The following EPHA3 variants were observed in gnomAD, a reference collection of about 807,000 sequenced individuals.
EPHA3 encodes the protein EPH receptor A3.
In EPHA3, 42 loss-of-function variants were observed where a neutral mutation model predicts 107.1. That is an observed-to-expected ratio of 0.39 (90% CI 0.31 to 0.51). EPHA3 has a LOEUF of 0.51. Among genes scored for constraint, EPHA3 ranks in the 20% least tolerant of loss-of-function variants. The pLI is 0.78. For synonymous variants in EPHA3, 461 were observed against 424.8 expected (o/e 1.09, Z -1.05); for missense variants, 1,183 against 1,211.2 (o/e 0.98, Z 0.35).
intron 3 of EPHA3, among the ~76,000 whole-genome samples, chr3:89,219,692 T>TTTTTTTGTTTG (rs1559606292): frequency 2.4e-4 from 2 of 8,424 alleles, no homozygotes; most frequent in Admixed American, 1.9e-3. Context: ...GGCAATGTTT[T>TTTTTTTGTTTG]TTTTTTTTTT....
At chr3:89,122,882 G>A (rs1222860803) in intron 1 of EPHA3, among the ~76,000 whole-genome samples, 1 of 152,128 alleles carries the variant, frequency 6.6e-6, no homozygotes, top group Non-Finnish European at 1.5e-5. Context: ...TATTTGAATA[G>A]GCAATTATTT....
intron 7 of EPHA3, among the ~76,000 whole-genome samples, chr3:89,402,833 A>G (rs545654859): frequency 4.6e-5 from 7 of 152,174 alleles, no homozygotes; most frequent in Admixed American, 2.0e-4. Flanking sequence ...ATGTGCCACA[A>G]TGCCCAGCTA....
chr3:89,247,881 A>G (rs758164977), intron 3 of EPHA3, among the ~76,000 whole-genome samples: 14 of 152,200 alleles, frequency 9.2e-5, no homozygotes, highest in Non-Finnish European at 1.9e-4. Context: ...GACTAAAAAA[A>G]GTAGAGACAG....
chr3:89,264,896 T>A (rs1431629221), intron 3 of EPHA3, among the ~76,000 whole-genome samples: 1 of 152,204 alleles, frequency 6.6e-6, no homozygotes, highest in Non-Finnish European at 1.5e-5. Context: ...AATGAAAATG[T>A]ACTCTTATGC....
chr3:89,402,088 T>C (rs1277403129), intron 7 of EPHA3, among the ~76,000 whole-genome samples: 1 of 152,180 alleles, frequency 6.6e-6, no homozygotes, highest in Non-Finnish European at 1.5e-5. Flanking sequence ...TATTACATGG[T>C]CTTAACACTT....
At chr3:89,272,711 C>A (rs1705703987) in intron 3 of EPHA3, among the ~76,000 whole-genome samples, 1 of 151,896 alleles carries the variant, frequency 6.6e-6, no homozygotes. Context: ...CCACATTTTA[C>A]TTACTCTTTT....
In EPHA3 at chr3:89,428,548, A is replaced by G. The variant is rs115760057; in HGVS notation, c.2075-558A>G. On this transcript the variant is annotated intron_variant, in intron 11 of 16. Transcript: ENST00000336596. ...TTTCATAATTTTTAAGTGTTAAACA[A>G]ATTTTGTAAATAATTATAACTATTA... 9.7e-3 allele frequency among the ~76,000 whole-genome samples: 1,479 copies of G among 152,166 alleles called. 27 individuals are homozygous for G. Among genetic ancestry groups the G allele is most frequent in the African/African-American group, 0.034 (1,415 of 41,544 alleles).
chr3:89,402,782 G>T (rs1019402774), intron 7 of EPHA3, among the ~76,000 whole-genome samples: 3 of 151,996 alleles, frequency 2.0e-5, no homozygotes, highest in Non-Finnish European at 4.4e-5. Context: ...TACAAAATCC[G>T]CCTCCTGGGT....
chr3:89,400,217 G>C (rs1484493425), intron 7 of EPHA3: 1 of 342,194 alleles, frequency 2.9e-6, no homozygotes, highest in East Asian at 1.0e-4. Context: ...TTTTTGAGAC[G>C]GAGTCTTGCT....
chr3:89,452,548 T>C (rs1405198262), intron 15 of EPHA3, among the ~76,000 whole-genome samples: 1 of 152,164 alleles, frequency 6.6e-6, no homozygotes, highest in African/African-American at 2.4e-5. Flanking sequence ...AGGGGTATTA[T>C]TATTTTTGCT....
chr3:89,148,131 C>T (rs1704608047), intron 2 of EPHA3, among the ~76,000 whole-genome samples: 1 of 151,904 alleles, frequency 6.6e-6, no homozygotes, highest in Admixed American at 6.6e-5. Flanking sequence ...GTCAGTAACA[C>T]ACACATGTGC....
At chr3:89,271,913 C>T (rs943732423) in intron 3 of EPHA3, among the ~76,000 whole-genome samples, 1 of 151,918 alleles carries the variant, frequency 6.6e-6, no homozygotes, top group Non-Finnish European at 1.5e-5. Context: ...CAACCCTTCC[C>T]CTTCCTCTTT....
At chr3:89,286,941 A>G (rs1380460186) in intron 3 of EPHA3, among the ~76,000 whole-genome samples, 2 of 152,096 alleles carry the variant, frequency 1.3e-5, no homozygotes, top group African/African-American at 4.8e-5. Flanking sequence ...TTCTACCTGA[A>G]AATACCTTAT....
chr3:89,132,246 A>T (rs1704221981), intron 2 of EPHA3, among the ~76,000 whole-genome samples: 1 of 152,182 alleles, frequency 6.6e-6, no homozygotes, highest in African/African-American at 2.4e-5. Context: ...TGGAACCTTG[A>T]TATCACTGAA....
At chr3:89,357,815 A>G (rs966725647) in intron 5 of EPHA3, among the ~76,000 whole-genome samples, 1 of 151,282 alleles carries the variant, frequency 6.6e-6, no homozygotes, top group African/African-American at 2.4e-5. Flanking sequence ...TTGATATAGT[A>G]AAAAACTTCA....
intron 15 of EPHA3, among the ~76,000 whole-genome samples, chr3:89,459,747 T>G (rs1232768499): frequency 3.3e-5 from 5 of 152,154 alleles, no homozygotes; most frequent in African/African-American, 4.8e-5. Flanking sequence ...GGTCTCGAAC[T>G]CCTGACCTCA....
chr3:89,134,143 G>T (rs1485185707), intron 2 of EPHA3, among the ~76,000 whole-genome samples: 1 of 151,452 alleles, frequency 6.6e-6, no homozygotes, highest in Non-Finnish European at 1.5e-5. Context: ...GAGTTCTTCG[G>T]CAACCTCTTG....
intron 5 of EPHA3, among the ~76,000 whole-genome samples, chr3:89,365,198 A>G (rs1423066102): frequency 1.3e-5 from 2 of 150,810 alleles, no homozygotes; most frequent in African/African-American, 4.8e-5. Context: ...ATAAAAGGTA[A>G]AGAAGGGTTT....
chr3:89,224,850 A>AAATAATAAT (rs948376171), intron 3 of EPHA3, among the ~76,000 whole-genome samples: 2 of 151,592 alleles, frequency 1.3e-5, no homozygotes, highest in Non-Finnish European at 2.9e-5. Flanking sequence ...CTCTGTCTCA[A>AAATAATAAT]AATAATAATA....
Sources: allele counts gnomAD v4.1 joint callset (sites outside exome capture counted in the v4.1 genomes callset), GRCh38; gene constraint gnomAD v4.1.1; transcripts MANE v1.5; gene names NCBI Gene and HGNC (gene_info 2026-07-23, HGNC 2026-07-21).